Variants in DIP2A observed in about 807,000 individuals in gnomAD.
The protein encoded by DIP2A is DIP2 acetate--CoA ligase A.
In DIP2A, 85 loss-of-function variants were observed where a neutral mutation model predicts 177.4. The ratio of observed to expected loss-of-function variants is 0.48; its 90% confidence interval spans 0.40 to 0.57. The LOEUF is 0.57. Ranked by LOEUF, DIP2A falls within the 20% of genes least tolerant of loss-of-function variation. DIP2A has a pLI of 0.00. For synonymous variants in DIP2A, 886 were observed against 881.8 expected (o/e 1.00, Z -0.08); for missense variants, 1,791 against 2,100.2 (o/e 0.85, Z 2.88).
intron 1 of DIP2A, among the ~76,000 whole-genome samples, chr21:46,477,573 CTT>C (rs1357462907): frequency 3.9e-5 from 3 of 77,824 alleles, no homozygotes; most frequent in Non-Finnish European, 2.4e-5. Context: ...GTGTGTATTT[CTT>C]TTTTTTTTTT....
At chr21:46,505,079 A>C (rs984037260) in intron 6 of DIP2A, among the ~76,000 whole-genome samples, 2 of 152,232 alleles carry the variant, frequency 1.3e-5, no homozygotes, top group Non-Finnish European at 2.9e-5. Context: ...AATAAAAATT[A>C]AGAGGAGCTC....
intron 13 of DIP2A, among the ~76,000 whole-genome samples, chr21:46,535,010 C>G (rs2059505251): frequency 6.6e-6 from 1 of 152,162 alleles, no homozygotes; most frequent in African/African-American, 2.4e-5. Context: ...ATACACAGTG[C>G]TGGGTTCACA....
chr21:46,565,785 C>T lies in DIP2A; in HGVS notation c.4237C>T (p.His1413Tyr). 1 of 1,613,998 alleles carries T rather than the reference C, an allele frequency of 6.2e-7. No homozygotes were observed. The highest frequency in any genetic ancestry group is 8.5e-7 in the Non-Finnish European group (1 of 1,179,898). Reference protein sequence around the residue: ...VYGEEALHADHFSARLSFGDT... With the variant: ...VYGEEALHADYFSARLSFGDT... ...CGGGGAGGAGGCGCTTCATGCCGACCACTTCAGTGCCCGGCTGAGTTTTGG... is the reference window on the plus strand; with the variant it reads ...CGGGGAGGAGGCGCTTCATGCCGACTACTTCAGTGCCCGGCTGAGTTTTGG... The change falls in exon 36 of 38, where the codon CAC becomes TAC. Residue 1413 changes from histidine (H) to tyrosine (Y), a missense_variant. His to Tyr is a moderately conservative substitution (Grantham distance 83, BLOSUM62 2). Coordinates refer to ENST00000417564, the MANE Select transcript of DIP2A (RefSeq NM_015151.4).
chr21:46,496,593 CAT>C (rs1284519956), intron 3 of DIP2A, among the ~76,000 whole-genome samples: 4 of 152,168 alleles, frequency 2.6e-5, no homozygotes, highest in South Asian at 2.1e-4. Context: ...AAAAAAATCT[CAT>C]AATGTTTTAA....
chr21:46,546,742 C>G (rs1382522320), intron 20 of DIP2A, among the ~76,000 whole-genome samples, 173 bp from the exon 21 acceptor site: 2 of 152,254 alleles, frequency 1.3e-5, no homozygotes, highest in Non-Finnish European at 2.9e-5. Flanking sequence ...TGTTCCAGGC[C>G]TAGCTTGTCA....
rs1426538022 is a variant in DIP2A at position 46,534,073 on chromosome 21, C to A, written c.1499C>A (p.Pro500His). 6.2e-7 allele frequency: 1 copy of A among 1,613,784 alleles called. No homozygotes were observed. Among genetic ancestry groups the A allele is most frequent in the African/African-American group, 1.3e-5 (1 of 74,910 alleles). ...HLAKPPKDWH[P>H]LAQDTGTGTA... ...GCCAAGCCCCCAAAGGACTGGCACC[C>A]TCTGGCCCAGGACACAGGGACTGGG... Residue 500 changes from proline (P) to histidine (H), a missense_variant, in exon 12 of 38, where the codon CCT becomes CAT. Pro to His is a moderately conservative substitution (Grantham distance 77). Coordinates refer to ENST00000417564, the MANE Select transcript of DIP2A (RefSeq NM_015151.4).
chr21:46,539,931 G>T lies in DIP2A; in HGVS notation c.1976G>T (p.Arg659Met). Residue 659 changes from arginine (R) to methionine (M), a missense_variant, in exon 17 of 38, where the codon AGG (arginine) becomes ATG (methionine). Arg to Met is a moderately conservative substitution (Grantham distance 91). Transcript: ENST00000417564. ...AACGTCTTCCAGTCCAGAGGTCTGA[G>T]GCCAGAGGTCATCTGTCCTTGTGCA... ...FLNVFQSRGL[R>M]PEVICPCASS... 6.2e-7 allele frequency: 1 copy of T among 1,614,060 alleles called. No individual in the cohort carries two copies. The highest frequency in any genetic ancestry group is 8.5e-7 in the Non-Finnish European group (1 of 1,179,900).
chr21:46,532,310 T>A (rs1366111014), intron 10 of DIP2A, 73 bp downstream of exon 10: 1 of 1,261,574 alleles, frequency 7.9e-7, no homozygotes, highest in Non-Finnish European at 1.1e-6. Flanking sequence ...TACTTCCTTT[T>A]CACTCATGTG....
intron 32 of DIP2A, among the ~76,000 whole-genome samples, chr21:46,560,253 G>GC (rs1379082709): frequency 6.6e-6 from 1 of 152,172 alleles, no homozygotes. Context: ...TTAACTGTAA[G>GC]ATTCAGAAAG....
intron 1 of DIP2A, among the ~76,000 whole-genome samples, chr21:46,471,118 C>G (rs2055340811): frequency 6.6e-6 from 1 of 152,132 alleles, no homozygotes; most frequent in South Asian, 2.1e-4. Flanking sequence ...TCATTACAGC[C>G]TCAAACTCCT....
At chr21:46,495,266 C>CTCTCTCTCTCTCTG (rs1263781753) in intron 3 of DIP2A, among the ~76,000 whole-genome samples, 2 of 145,132 alleles carry the variant, frequency 1.4e-5, no homozygotes, top group African/African-American at 2.6e-5. Context: ...CTCTCTCTCT[C>CTCTCTCTCTCTCTG]TCTCTCTCTC....
At chr21:46,461,971 A>G (rs2054358939) in intron 1 of DIP2A, among the ~76,000 whole-genome samples, 1 of 151,250 alleles carries the variant, frequency 6.6e-6, no homozygotes, top group East Asian at 1.9e-4. Flanking sequence ...CCGAGGTGGG[A>G]GGATCACCTG....
intron 1 of DIP2A, among the ~76,000 whole-genome samples, chr21:46,461,958 G>A (rs140918769): frequency 6.6e-6 from 1 of 152,128 alleles, no homozygotes; most frequent in Non-Finnish European, 1.5e-5. Context: ...GCTACTTGAG[G>A]GGCCGAGGTG....
downstream of DIP2A, among the ~76,000 whole-genome samples, chr21:46,573,797 A>G (rs973486643): frequency 7.2e-5 from 11 of 152,126 alleles, no homozygotes; most frequent in Non-Finnish European, 1.0e-4. Context: ...CAATTCAGCA[A>G]GATGTAACAA....
At chr21:46,464,815 G>GTTTTTTTTT (rs1568894284) in intron 1 of DIP2A, among the ~76,000 whole-genome samples, 2 of 42,962 alleles carry the variant, frequency 4.7e-5, no homozygotes, top group African/African-American at 2.1e-4. Context: ...TAATATTCAT[G>GTTTTTTTTT]TCTTTTTTTT....
chr21:46,560,876 G>T, intron 33 of DIP2A, 93 bp downstream of exon 33: 2 of 1,523,534 alleles, frequency 1.3e-6, no homozygotes. Flanking sequence ...CGGGACCCAG[G>T]CATTAGAGGA....
chr21:46,543,425 C>T lies in DIP2A; in HGVS notation c.2176+1530C>T, dbSNP rs544059825. Among the ~76,000 whole-genome samples, 5 of 152,182 alleles carry T rather than the reference C, an allele frequency of 3.3e-5. No homozygotes were observed. The South Asian group carries it at 8.3e-4, about 25-fold the overall frequency. On this transcript the variant is annotated intron_variant, in intron 18 of 37. Coordinates refer to ENST00000417564, the MANE Select transcript of DIP2A (RefSeq NM_015151.4). ...AGCGCTCCCGTAGGCGTGCACGCAG[C>T]ACACCTCCTCCCCCGGGCGTGCACA...
chr21:46,471,329 C>T (rs1001877139), intron 1 of DIP2A, among the ~76,000 whole-genome samples: 5 of 152,178 alleles, frequency 3.3e-5, no homozygotes, highest in African/African-American at 1.2e-4. Flanking sequence ...CTGTGCCTGG[C>T]CTTATTTGTT....
At chr21:46,562,871 G>A (rs370559622) in intron 34 of DIP2A, among the ~76,000 whole-genome samples, 1 of 152,212 alleles carries the variant, frequency 6.6e-6, no homozygotes, top group South Asian at 2.1e-4. Flanking sequence ...GGACATGTGA[G>A]CCGCCATCGC....
Sources: allele counts gnomAD v4.1 joint callset (sites outside exome capture counted in the v4.1 genomes callset), GRCh38; gene constraint gnomAD v4.1.1; transcripts MANE v1.5; gene names NCBI Gene and HGNC (gene_info 2026-07-23, HGNC 2026-07-21).